The following KLF7 variants were observed in gnomAD, a reference collection of about 807,000 sequenced individuals.
KLF7 encodes Krueppel-like factor 7.
In KLF7, 2 loss-of-function variants were observed where a neutral mutation model predicts 27.3. The observed-to-expected ratio is 0.07, with a 90% CI of 0.03 to 0.23. The LOEUF (loss-of-function observed/expected upper bound fraction) is 0.23, where lower values mean the gene tolerates loss of function less well. Ranked by LOEUF, KLF7 falls within the 10% of genes least tolerant of loss-of-function variation. The pLI is 1.00. For synonymous variants in KLF7, 165 were observed against 162.4 expected (o/e 1.02, Z -0.12); for missense variants, 221 against 394.1 (o/e 0.56, Z 3.72).
chr2:207,166,978 A>C (rs1266600460), upstream of KLF7: 3 of 737,126 alleles, frequency 4.1e-6, no homozygotes, highest in Non-Finnish European at 5.3e-6. Flanking sequence ...CCTCCTTCTG[A>C]CCCCGAGCGA....
intron 1 of KLF7, among the ~76,000 whole-genome samples, chr2:207,134,667 A>G (rs1344970494): frequency 6.6e-6 from 1 of 152,028 alleles, no homozygotes; most frequent in Non-Finnish European, 1.5e-5. Flanking sequence ...GCCAAGTGCC[A>G]CTCACTCCAA....
chr2:207,113,942 T>A (rs552498107), intron 2 of KLF7, among the ~76,000 whole-genome samples: 1 of 152,284 alleles, frequency 6.6e-6, no homozygotes. Context: ...CAAATTCAGT[T>A]TAGTTGTAAG....
rs1255080856 is a variant in KLF7 at position 207,077,744 on chromosome 2, A to G, written c.*3469T>C. The G allele has an allele frequency of 6.6e-6, 1 of 152,156 alleles. No individual in the cohort carries two copies. Among genetic ancestry groups the G allele is most frequent in the African/African-American group, 2.4e-5 (1 of 41,446 alleles). The allele number at this position is 152,156 out of a possible 1,614,324, so 9.4% of individuals were successfully genotyped here. On this transcript the variant is annotated 3_prime_UTR_variant, in exon 4 of 4. Coordinates refer to ENST00000309446, the MANE Select transcript of KLF7 (RefSeq NM_003709.4). ...ATTATAATTTCAGGTTTCCATGTCTATGACTTACAGTCATGTGGCAGGAGA... is the reference window on the plus strand; with the variant it reads ...ATTATAATTTCAGGTTTCCATGTCTGTGACTTACAGTCATGTGGCAGGAGA...
At chr2:207,149,481 C>T (rs959246948) in intron 1 of KLF7, among the ~76,000 whole-genome samples, 1 of 152,226 alleles carries the variant, frequency 6.6e-6, no homozygotes, top group African/African-American at 2.4e-5. Flanking sequence ...ACACTCTGCT[C>T]AGCGGTGGTG....
chr2:207,162,515 AT>A (rs1378670010), intron 1 of KLF7, among the ~76,000 whole-genome samples: 1 of 152,240 alleles, frequency 6.6e-6, no homozygotes, highest in East Asian at 1.9e-4. Flanking sequence ...TGTGATGTCC[AT>A]TTGGATTTCA....
intron 1 of KLF7, among the ~76,000 whole-genome samples, chr2:207,144,533 C>T (rs540211134): frequency 6.6e-6 from 1 of 152,256 alleles, no homozygotes; most frequent in Admixed American, 6.5e-5. Flanking sequence ...GTCACTGTTT[C>T]CCTCTCATAG....
intron 1 of KLF7, among the ~76,000 whole-genome samples, chr2:207,139,680 C>T (rs7579672): frequency 6.6e-6 from 1 of 152,190 alleles, no homozygotes; most frequent in African/African-American, 2.4e-5. Context: ...CATTTCTCTA[C>T]GTAATCTCTC....
At chr2:207,083,258 C>A (rs1451947681) in intron 3 of KLF7, among the ~76,000 whole-genome samples, 3 of 152,166 alleles carry the variant, frequency 2.0e-5, no homozygotes, top group Non-Finnish European at 4.4e-5. Context: ...CCTGAGGGTA[C>A]AACTCAGTAT....
At position 207,157,193 on chromosome 2, in the gene KLF7, A is replaced by C. The variant is rs2078406326; in HGVS notation, c.102+8274T>G. On this transcript the variant is annotated intron_variant, in intron 1 of 3. Coordinates refer to ENST00000309446, the MANE Select transcript of KLF7 (RefSeq NM_003709.4). ...ATCAACTCCTTAAAGCATAAACTTA[A>C]CAAGAAAAATGACACAACAGAAAAG... Among the ~76,000 whole-genome samples the C allele has an allele frequency of 2.0e-5, 3 of 151,268 alleles. No individual in the cohort carries two copies. The South Asian group carries it at 6.3e-4, about 32-fold the overall frequency.
chr2:207,146,977 G>A (rs1439248624), intron 1 of KLF7, among the ~76,000 whole-genome samples: 1 of 152,168 alleles, frequency 6.6e-6, no homozygotes, highest in East Asian at 1.9e-4. Flanking sequence ...AAGGGGTTGG[G>A]CACAGGGAAG....
At chr2:207,099,774 T>A (rs2076720788) in intron 2 of KLF7, among the ~76,000 whole-genome samples, 1 of 151,800 alleles carries the variant, frequency 6.6e-6, no homozygotes, top group South Asian at 2.1e-4. Context: ...AGCATATCAC[T>A]AGTTCATATG....
intron 2 of KLF7, among the ~76,000 whole-genome samples, chr2:207,102,159 C>CACACACA (rs1574454023): frequency 1.3e-5 from 2 of 150,044 alleles, no homozygotes; most frequent in Non-Finnish European, 3.0e-5. Context: ...CACACACACA[C>CACACACA]CCTGCCCTCC....
At chr2:207,151,027 A>G (rs1433219003) in intron 1 of KLF7, among the ~76,000 whole-genome samples, 110 of 145,568 alleles carry the variant, frequency 7.6e-4, no homozygotes, top group Middle Eastern at 3.5e-3. Flanking sequence ...GGAAGAAAGG[A>G]AGGGAGGGAG....
intron 2 of KLF7, among the ~76,000 whole-genome samples, chr2:207,090,498 G>T (rs1480207951): frequency 1.3e-5 from 2 of 152,260 alleles, no homozygotes; most frequent in South Asian, 2.1e-4. Context: ...CGTAAGAAAC[G>T]TTTGTTCAGC....
intron 2 of KLF7, among the ~76,000 whole-genome samples, chr2:207,098,778 ATTTTTTTTTT>A (rs1182598901): frequency 6.7e-5 from 7 of 104,674 alleles, no homozygotes; most frequent in African/African-American, 2.0e-4. Flanking sequence ...CACTTGGCTA[ATTTTTTTTTT>A]TTTTTTTTTT....
chr2:207,123,340 G>T (rs1214029626), intron 2 of KLF7, among the ~76,000 whole-genome samples: 3 of 152,156 alleles, frequency 2.0e-5, no homozygotes, highest in African/African-American at 7.2e-5. Context: ...TCAGGATGCT[G>T]GGAAAAGAGT....
At chr2:207,141,135 C>T (rs1351323111) in intron 1 of KLF7, among the ~76,000 whole-genome samples, 1 of 152,126 alleles carries the variant, frequency 6.6e-6, no homozygotes, top group African/African-American at 2.4e-5. Context: ...TGAAAATCCT[C>T]CGTGAATATA....
chr2:207,092,840 A>T (rs2105884554), intron 2 of KLF7, among the ~76,000 whole-genome samples: 1 of 152,378 alleles, frequency 6.6e-6, no homozygotes, highest in Admixed American at 6.5e-5. Context: ...TAAAATATAT[A>T]TTCAATAGAC....
intron 2 of KLF7, among the ~76,000 whole-genome samples, chr2:207,111,219 C>T (rs1482061699): frequency 6.6e-6 from 1 of 152,206 alleles, no homozygotes. Context: ...CAGACATTGA[C>T]AGGATGTCCC....
Sources: allele counts gnomAD v4.1 joint callset (sites outside exome capture counted in the v4.1 genomes callset), GRCh38; gene constraint gnomAD v4.1.1; transcripts MANE v1.5; gene names NCBI Gene and HGNC (gene_info 2026-07-23, HGNC 2026-07-21).